The following SPACA7 variants were observed in gnomAD, a reference collection of about 807,000 sequenced individuals.
SPACA7 encodes sperm acrosome associated 7.
Under a neutral mutation model 26.3 loss-of-function variants are expected in SPACA7, and 19 were observed. The observed-to-expected ratio is 0.72, with a 90% CI of 0.50 to 1.06. The LOEUF (loss-of-function observed/expected upper bound fraction) is 1.06. SPACA7 is among the 50% of genes least tolerant of loss of function. The probability of loss-of-function intolerance (pLI) is 0.00; values close to 1 mark genes in which losing one functional copy is unlikely to be tolerated. For missense variants in SPACA7, 211 were observed against 229.9 expected (o/e 0.92, Z 0.53); for synonymous variants, 84 against 84.5 (o/e 0.99, Z 0.04).
At chr13:112,398,163 C>CT in intron 3 of SPACA7, 25 bp downstream of exon 3, 5 of 1,530,632 alleles carry the variant, frequency 3.3e-6, no homozygotes, top group Non-Finnish European at 4.5e-6. Flanking sequence ...AAGCACACCC[C>CT]TTTCTAACCC....
At chr13:112,428,051 C>T (rs1359320536) in intron 5 of SPACA7, among the ~76,000 whole-genome samples, 1 of 151,758 alleles carries the variant, frequency 6.6e-6, no homozygotes, top group Non-Finnish European at 1.5e-5. Flanking sequence ...ATTTTCTTTC[C>T]TCTGCTTATT....
intron 5 of SPACA7, among the ~76,000 whole-genome samples, chr13:112,431,129 A>T (rs986412728): frequency 6.6e-6 from 1 of 152,214 alleles, no homozygotes; most frequent in African/African-American, 2.4e-5. Flanking sequence ...AAATTGTTCA[A>T]TGGGCTTGTG....
At chr13:112,418,981 C>T (rs377464884) in intron 5 of SPACA7, among the ~76,000 whole-genome samples, 2 of 151,656 alleles carry the variant, frequency 1.3e-5, no homozygotes, top group African/African-American at 2.4e-5. Flanking sequence ...TGAGATCATG[C>T]ACTGCACTCC....
In SPACA7 at chr13:112,376,530, G is replaced by A. The variant is rs1250488414; in HGVS notation, c.94+51G>A. ...CAGAAAGAGAACTGAACCAGGTGGG[G>A]AGCGGCGGCCTCTTCTCCCATGGGT... On this transcript the variant is annotated intron_variant, in intron 1 of 6. Coordinates refer to ENST00000283550, the MANE Select transcript of SPACA7 (RefSeq NM_145248.5). The A allele has an allele frequency of 5.1e-6, 8 of 1,573,336 alleles. No individual in the cohort carries two copies. The South Asian group carries it at 9.3e-5, about 18-fold the overall frequency.
chr13:112,380,700 C>A (rs1403369669), intron 1 of SPACA7, among the ~76,000 whole-genome samples: 1 of 152,184 alleles, frequency 6.6e-6, no homozygotes, highest in Non-Finnish European at 1.5e-5. Context: ...CAAAATTACT[C>A]ACTTTTTTCG....
At chr13:112,412,150 G>T (rs748255824) in intron 5 of SPACA7, among the ~76,000 whole-genome samples, 15 of 152,180 alleles carry the variant, frequency 9.9e-5, no homozygotes, top group Admixed American at 2.6e-4. Context: ...TATTTTAACT[G>T]GGATGAGATG....
At chr13:112,417,484 T>C (rs1338880601) in intron 5 of SPACA7, among the ~76,000 whole-genome samples, 1 of 152,154 alleles carries the variant, frequency 6.6e-6, no homozygotes, top group Non-Finnish European at 1.5e-5. Flanking sequence ...GTGTATCCTC[T>C]GATATTTTTG....
At chr13:112,429,774 AT>A (rs1876887660) in intron 5 of SPACA7, among the ~76,000 whole-genome samples, 1 of 152,178 alleles carries the variant, frequency 6.6e-6, no homozygotes, top group Non-Finnish European at 1.5e-5. Flanking sequence ...AATGCCAGAC[AT>A]TGTGAATCTT....
rs1311510489 is a variant in SPACA7, at chr13:112,379,253, C to T, written c.94+2774C>T. Among the ~76,000 whole-genome samples, 5 of 152,238 alleles carry T rather than the reference C, an allele frequency of 3.3e-5. No homozygotes were observed. In the East Asian group the frequency reaches 9.7e-4, roughly 29 times the overall value. On this transcript the variant is annotated intron_variant, in intron 1 of 6. Transcript: ENST00000283550. ...CAGTCTAATAGTGCAATCTTAGAGGCGTCAGAAACCTTACTCCAGAGTACT... is the reference window on the plus strand; with the variant it reads ...CAGTCTAATAGTGCAATCTTAGAGGTGTCAGAAACCTTACTCCAGAGTACT...
chr13:112,396,018 C>A (rs59202570), intron 2 of SPACA7, among the ~76,000 whole-genome samples: 1 of 136,400 alleles, frequency 7.3e-6, no homozygotes, highest in Non-Finnish European at 1.7e-5. Flanking sequence ...TGGCTCGGCC[C>A]CCCGCCTCTC....
intron 1 of SPACA7, among the ~76,000 whole-genome samples, chr13:112,379,148 A>G (rs574283433): frequency 3.9e-5 from 6 of 152,346 alleles, no homozygotes; most frequent in African/African-American, 1.4e-4. Context: ...TGAGTCCCAC[A>G]TCATTAATTC....
intron 5 of SPACA7, among the ~76,000 whole-genome samples, chr13:112,415,434 T>A (rs1304356215): frequency 6.6e-6 from 1 of 152,164 alleles, no homozygotes; most frequent in Non-Finnish European, 1.5e-5. Flanking sequence ...CAAGCTGGTA[T>A]TATGGTCTTC....
rs1393346693 is a variant in SPACA7 at position 112,434,633 on chromosome 13, C to T, written c.*84C>T. The stretch of plus-strand genomic sequence containing the variant: ...GCCTCCGGAACAGGGCACTTGTGTG[C>T]ACACGCCCACGTTCTCTGAACCATT... On this transcript the variant is annotated 3_prime_UTR_variant, in exon 7 of 7. Transcript: ENST00000283550. The T allele has an allele frequency of 2.8e-6, 3 of 1,075,618 alleles. No individual in the cohort carries two copies. Among genetic ancestry groups the T allele is most frequent in the African/African-American group, 3.1e-5 (2 of 63,824 alleles). The allele number at this position is 1,075,618 out of a possible 1,614,324, so 66.6% of individuals were successfully genotyped here.
chr13:112,432,672 C>G (rs764555403), intron 6 of SPACA7, 151 bp downstream of exon 6: 259 of 629,768 alleles, frequency 4.1e-4, no homozygotes, highest in Non-Finnish European at 9.1e-5. Flanking sequence ...CCTGTCCAAC[C>G]GTTGATGTGT....
At chr13:112,420,127 A>T (rs1002607472) in intron 5 of SPACA7, among the ~76,000 whole-genome samples, 1 of 152,246 alleles carries the variant, frequency 6.6e-6, no homozygotes, top group Admixed American at 6.5e-5. Context: ...TGCCCATTTT[A>T]AGGCATAATA....
chr13:112,392,558 G>T (rs969107056), intron 1 of SPACA7, among the ~76,000 whole-genome samples: 2 of 152,160 alleles, frequency 1.3e-5, no homozygotes, highest in Admixed American at 6.6e-5. Flanking sequence ...CATTTCCCCA[G>T]AACATGTTTC....
chr13:112,415,031 T>C (rs965569744), intron 5 of SPACA7, among the ~76,000 whole-genome samples: 2 of 152,238 alleles, frequency 1.3e-5, no homozygotes, highest in Admixed American at 6.5e-5. Flanking sequence ...ACTTTTGCAC[T>C]ACAGAGCATC....
chr13:112,433,303 A>G (rs1399885094), intron 6 of SPACA7, among the ~76,000 whole-genome samples: 1 of 148,310 alleles, frequency 6.7e-6, no homozygotes, highest in East Asian at 2.0e-4. Flanking sequence ...CTGGCTTTTC[A>G]TAGCCCGAGC....
chr13:112,397,631 C>T (rs7324331), intron 2 of SPACA7, among the ~76,000 whole-genome samples: 12,338 of 152,142 alleles, frequency 0.081, 1,083 homozygotes, highest in East Asian at 0.28. Flanking sequence ...CCCATAGGGA[C>T]GTAAAAGAAG....
Sources: gnomAD v4.1 joint callset for allele counts (sites outside exome capture counted in the v4.1 genomes callset) on GRCh38, gnomAD v4.1.1 for gene constraint, MANE v1.5 for transcripts, NCBI Gene and HGNC (gene_info 2026-07-23, HGNC 2026-07-21) for gene names.